CAPG: variants seen among roughly 807,000 people sequenced by gnomAD.
CAPG encodes the protein macrophage-capping protein.
In CAPG, 32 loss-of-function variants were observed where a neutral mutation model predicts 44.6. That is an observed-to-expected ratio of 0.72 (90% confidence interval 0.54 to 0.96). CAPG has a LOEUF of 0.96. Ranked by LOEUF, CAPG falls within the 50% of genes least tolerant of loss-of-function variation. The pLI, the probability that CAPG is intolerant of heterozygous loss-of-function variation, is 0.00. For synonymous variants in CAPG, 175 were observed against 179.6 expected (o/e 0.97, Z 0.20); for missense variants, 412 against 438.3 (o/e 0.94, Z 0.54).
upstream of CAPG, chr2:85,413,842 G>A (rs1017282001): frequency 1.3e-5 from 2 of 152,282 alleles, no homozygotes; most frequent in Admixed American, 1.3e-4. Flanking sequence ...CAGGAAGCCA[G>A]GAGACGGCGC....
At position 85,394,939 on chromosome 2, in the gene CAPG, C is replaced by T. The variant is rs377056776; in HGVS notation, c.1001G>A (p.Gly334Asp). 7 of 1,612,794 alleles carry T rather than the reference C, an allele frequency of 4.3e-6. No homozygotes were observed. The highest frequency in any genetic ancestry group is 5.9e-6 in the Non-Finnish European group (7 of 1,178,938). ...TTGCTTGAAGATGGGACTCTCATGG[C>T]CCTGAGGCAGAATCTCCACCTGCAG... Reference protein sequence around the residue: ...PNTQVEILPQGHESPIFKQFF... With the variant: ...PNTQVEILPQDHESPIFKQFF... The change falls in exon 10 of 10, where the codon GGC (glycine) becomes GAC (aspartate). Residue 334 changes from glycine to aspartate, a missense_variant. Physicochemically the swap from Gly to Asp is moderately conservative, Grantham distance 94. Transcript: ENST00000263867.
upstream of CAPG, among the ~76,000 whole-genome samples, chr2:85,410,978 A>G (rs146645284): frequency 4.3e-3 from 648 of 151,146 alleles, 5 homozygotes; most frequent in African/African-American, 0.015. Flanking sequence ...CTCCTGCCTC[A>G]GCCTCCTGAG....
Position 85,399,183 on chromosome 2 carries a change from G to T in CAPG, c.619C>A (p.Gln207Lys). 1 of 1,614,192 alleles carries T rather than the reference G, an allele frequency of 6.2e-7. No individual in the cohort carries two copies. The highest frequency in any genetic ancestry group is 1.1e-5 in the South Asian group (1 of 91,088). The change falls in exon 6 of 10, where the codon CAG (glutamine) becomes AAG (lysine). Residue 207 changes from glutamine to lysine, a missense_variant. Physicochemically the swap from Gln to Lys is moderately conservative, Grantham distance 53. Transcript: ENST00000263867. ...IRDSERQGKA[Q>K]VEIVTDGEEP... ...TCCCCATCAGTGACAATCTCCACCTGGGCCTTGCCCTGTCGCTCACTGTCC... is the reference window on the plus strand; with the variant it reads ...TCCCCATCAGTGACAATCTCCACCTTGGCCTTGCCCTGTCGCTCACTGTCC...
At chr2:85,394,276 C>T (rs1232978456), downstream of CAPG, among the ~76,000 whole-genome samples, 1 of 152,248 alleles carries the variant, frequency 6.6e-6, no homozygotes, top group Non-Finnish European at 1.5e-5. Context: ...TCCATGCTAG[C>T]CTGGTGCTTT....
In CAPG at chr2:85,401,237, G is replaced by T; in HGVS notation, c.444C>A (p.Ile148=). The T allele has an allele frequency of 6.2e-7, 1 of 1,614,184 alleles. No homozygotes were observed. Among genetic ancestry groups the T allele is most frequent in the South Asian group, 1.1e-5 (1 of 91,084 alleles). The change falls in exon 5 of 10, where the codon ATC becomes ATA. Residue 148 remains isoleucine, a synonymous_variant. Transcript: ENST00000263867. ...KLYQVKGKKN[I]RATERALNWD... ...AGTTCAGTGCCCGCTCGGTGGCACG[G>T]ATGTTCTTCTTCCCCTTCACCTGGT...
At position 85,418,265 on chromosome 2, in the gene CAPG, A is replaced by C. The variant is rs1687616003; in HGVS notation, c.-14+2T>G. ...CCCCTCTTTGTGCCTCGGTTTGCCC[A>C]CCTAGAGGTCAGTCCCGCAGGCGTG... is the stretch of plus-strand genomic sequence containing the variant. On this transcript the variant is annotated splice_donor_variant, in intron 1 of 5. Transcript: ENST00000409275. LOFTEE classifies it low-confidence loss of function (5UTR_SPLICE). 3 of 152,130 alleles carry C rather than the reference A, an allele frequency of 2.0e-5. No homozygotes were observed. Among genetic ancestry groups the C allele is most frequent in the South Asian group, 2.1e-4 (1 of 4,834 alleles). 9.4% of individuals were successfully genotyped at this position (152,130 alleles called of 1,614,324 possible). A position where few individuals can be genotyped will look rare whatever the true frequency, so the allele number is the denominator to read the frequency against.
chr2:85,413,129 A>C (rs1687467148), upstream of CAPG: 1 of 152,244 alleles, frequency 6.6e-6, no homozygotes, highest in African/African-American at 2.4e-5. Context: ...GATTTTGGTC[A>C]CAACAGCGCA....
intron 1 of CAPG, among the ~76,000 whole-genome samples, chr2:85,410,090 A>G (rs1687352812): frequency 1.3e-5 from 2 of 152,226 alleles, no homozygotes; most frequent in Non-Finnish European, 1.5e-5. Flanking sequence ...GCAGCTTCAC[A>G]GCTGCCATCA....
At position 85,399,257 on chromosome 2, in the gene CAPG, G is replaced by C; in HGVS notation, c.545C>G (p.Ser182Cys). ...QNIFAWCGGK[S>C]NILERNKARD... Reference sequence around the variant, plus strand: ...CGCCTTGTTGCGTTCCAGGATGTTGGACTTTCCACCACACCAGGCGAAGAT... The same window carrying C: ...CGCCTTGTTGCGTTCCAGGATGTTGCACTTTCCACCACACCAGGCGAAGAT... The change falls in exon 6 of 10, where the codon TCC becomes TGC. Residue 182 changes from serine to cysteine, a missense_variant. Transcript: ENST00000263867. The C allele has an allele frequency of 1.9e-6, 3 of 1,614,200 alleles. No individual in the cohort carries two copies. The highest frequency in any genetic ancestry group is 2.5e-6 in the Non-Finnish European group (3 of 1,180,034).
At chr2:85,410,868 T>G (rs534929306), upstream of CAPG, among the ~76,000 whole-genome samples, 2 of 151,604 alleles carry the variant, frequency 1.3e-5, no homozygotes, top group Admixed American at 6.6e-5. Context: ...TTTTTTTGTT[T>G]TTTTTTTTTT....
intron 1 of CAPG, among the ~76,000 whole-genome samples, chr2:85,408,338 T>TCACACACACACACACA (rs71390065): frequency 0.01 from 1,312 of 129,540 alleles, 13 homozygotes; most frequent in Non-Finnish European, 0.012. Context: ...GAAGAATCTG[T>TCACACACACACACACA]CACACACACA....
chr2:85,410,151 G>A (rs1050876412), intron 1 of CAPG, among the ~76,000 whole-genome samples, 166 bp downstream of exon 1: 8 of 152,364 alleles, frequency 5.3e-5, no homozygotes, highest in Non-Finnish European at 1.2e-4. Flanking sequence ...CAGGCTGGGG[G>A]AACTCCACCC....
chr2:85,401,273 G>A lies in CAPG; in HGVS notation c.408C>T (p.Ile136=), dbSNP rs760273912. ...HKTSTGAPAA[I]KKLYQVKGKK... is the part of the protein sequence containing the mutation. ...TCCCCTTCACCTGGTAGAGTTTCTT[G>A]ATGGCAGCTGGGGCTCCTGTGGAGG... The change falls in exon 5 of 10, where the codon ATC becomes ATT. Residue 136 remains isoleucine, a synonymous_variant. Transcript: ENST00000263867. 3 of 1,614,050 alleles carry A rather than the reference G, an allele frequency of 1.9e-6. No individual in the cohort carries two copies. The highest frequency in any genetic ancestry group is 2.2e-5 in the South Asian group (2 of 91,080).
chr2:85,394,876 C>T lies in CAPG; in HGVS notation c.*17G>A. On this transcript the variant is annotated 3_prime_UTR_variant, in exon 10 of 10. Coordinates refer to ENST00000263867, the MANE Select transcript of CAPG (RefSeq NM_001747.4). ...TGGTGGGGGGCAGGGGAGCATGGGG[C>T]AGGAAGACGCCCACCCTCATTTCCA... 6.3e-7 allele frequency: 1 copy of T among 1,599,964 alleles called. No individual in the cohort carries two copies. The highest frequency in any genetic ancestry group is 1.1e-5 in the South Asian group (1 of 90,850).
At chr2:85,403,674 G>A (rs901565865) in intron 1 of CAPG, among the ~76,000 whole-genome samples, 5 of 152,070 alleles carry the variant, frequency 3.3e-5, no homozygotes, top group African/African-American at 1.2e-4. Flanking sequence ...GGATCATGAG[G>A]TCAGGAGTTC....
intron 1 of CAPG, among the ~76,000 whole-genome samples, chr2:85,408,379 C>CACACACAA (rs1414612076): frequency 6.8e-6 from 1 of 146,150 alleles, no homozygotes; most frequent in Non-Finnish European, 1.5e-5. Context: ...CACACACACA[C>CACACACAA]AAGCCCCCTT....
chr2:85,400,191 G>A (rs930059863), intron 5 of CAPG, among the ~76,000 whole-genome samples: 3 of 152,172 alleles, frequency 2.0e-5, no homozygotes, highest in African/African-American at 7.2e-5. Flanking sequence ...AACAGAGCCC[G>A]GCATGGATTT....
intron 6 of CAPG, 35 bp from the exon 7 acceptor site, chr2:85,398,817 C>A (rs750636994): frequency 4.0e-6 from 6 of 1,485,224 alleles, no homozygotes; most frequent in East Asian, 2.4e-5. Flanking sequence ...TTTATAGGGA[C>A]CCCTGCCCTG....
At chr2:85,414,777 G>C (rs936797961), upstream of CAPG, among the ~76,000 whole-genome samples, 33 of 152,112 alleles carry the variant, frequency 2.2e-4, no homozygotes, top group African/African-American at 8.0e-4. Flanking sequence ...TGCAACACCT[G>C]ACCCTTCTCT....
Sources: allele counts gnomAD v4.1 joint callset (sites outside exome capture counted in the v4.1 genomes callset), GRCh38; gene constraint gnomAD v4.1.1; transcripts MANE v1.5; gene names NCBI Gene and HGNC (gene_info 2026-07-23, HGNC 2026-07-21).